Variants in GALK2 observed in about 807,000 individuals in gnomAD.
The protein encoded by GALK2 is N-acetylgalactosamine kinase.
In GALK2, 36 loss-of-function variants were observed where a neutral mutation model predicts 52.4. The ratio of observed to expected loss-of-function variants is 0.69; its 90% CI spans 0.53 to 0.91. The LOEUF is 0.91. Ranked by LOEUF, GALK2 falls within the 40% of genes least tolerant of loss-of-function variation. The pLI, the probability that GALK2 is intolerant of heterozygous loss-of-function variation, is 0.00. For missense variants in GALK2, 579 were observed against 559.1 expected (o/e 1.04, Z -0.36); for synonymous variants, 176 against 199.1 (o/e 0.88, Z 0.98).
At chr15:49,289,600 C>T (rs1181715013) in intron 7 of GALK2, among the ~76,000 whole-genome samples, 1 of 152,158 alleles carries the variant, frequency 6.6e-6, no homozygotes, top group Non-Finnish European at 1.5e-5. Context: ...TGGGTAAATA[C>T]TTTGGCTTTC....
intron 3 of GALK2, among the ~76,000 whole-genome samples, chr15:49,219,283 GTC>G (rs2089620654): frequency 6.6e-6 from 1 of 152,146 alleles, no homozygotes; most frequent in African/African-American, 2.4e-5. Context: ...TAATGAATAA[GTC>G]TCATGAGATC....
chr15:49,176,440 A>G (rs1407013144), intron 1 of GALK2, among the ~76,000 whole-genome samples: 1 of 152,246 alleles, frequency 6.6e-6, no homozygotes, highest in Non-Finnish European at 1.5e-5. Context: ...CTTGGCCCAA[A>G]TAAACTCTGT....
chr15:49,214,856 T>G lies in GALK2; in HGVS notation c.143-2334T>G, dbSNP rs891494287. Among the ~76,000 whole-genome samples the G allele has an allele frequency of 2.0e-5, 3 of 152,232 alleles. No individual in the cohort carries two copies. The South Asian group carries it at 6.2e-4, about 32-fold the overall frequency. ...CCATGTGATATATATTTTTTTACAT[T>G]AATGTGCTTTTCTTTCAGATTGAAT... On this transcript the variant is annotated intron_variant, in intron 2 of 9. Coordinates refer to ENST00000560031, the MANE Select transcript of GALK2 (RefSeq NM_002044.4).
intron 3 of GALK2, among the ~76,000 whole-genome samples, chr15:49,348,267 A>G (rs1350521268): frequency 1.3e-5 from 2 of 152,180 alleles, no homozygotes; most frequent in African/African-American, 4.8e-5. Context: ...TCTACCCTCC[A>G]CAAAGCTATT....
chr15:49,240,147 A>G (rs2091020730), intron 5 of GALK2, among the ~76,000 whole-genome samples: 1 of 152,230 alleles, frequency 6.6e-6, no homozygotes, highest in South Asian at 2.1e-4. Flanking sequence ...GCAAAGGTTC[A>G]GACAGAATCC....
chr15:49,293,590 C>A (rs1176539840), intron 8 of GALK2, among the ~76,000 whole-genome samples: 1 of 152,206 alleles, frequency 6.6e-6, no homozygotes, highest in Non-Finnish European at 1.5e-5. Flanking sequence ...CTATATGGTT[C>A]TTTGCAGAAA....
chr15:49,232,476 G>A (rs1313314627), intron 3 of GALK2, among the ~76,000 whole-genome samples: 1 of 152,192 alleles, frequency 6.6e-6, no homozygotes, highest in Non-Finnish European at 1.5e-5. Flanking sequence ...TTGGCCATCA[G>A]CATTTGACTA....
intron 8 of GALK2, among the ~76,000 whole-genome samples, chr15:49,296,264 T>G (rs1448671897): frequency 6.6e-6 from 1 of 152,194 alleles, no homozygotes; most frequent in Non-Finnish European, 1.5e-5. Flanking sequence ...GTTTTGACTC[T>G]CACTCTCCTA....
At chr15:49,220,058 C>CTTTTTTTTTTTTT (rs34707025) in intron 3 of GALK2, among the ~76,000 whole-genome samples, 8 of 92,750 alleles carry the variant, frequency 8.6e-5, no homozygotes, top group Non-Finnish European at 1.1e-4. Context: ...AGATACAAGT[C>CTTTTTTTTTTTTT]TTTTTTTTTT....
At chr15:49,308,803 T>A (rs2035754356) in intron 8 of GALK2, among the ~76,000 whole-genome samples, 1 of 152,212 alleles carries the variant, frequency 6.6e-6, no homozygotes, top group South Asian at 2.1e-4. Flanking sequence ...AATTTGATCA[T>A]GTTGGAACTT....
chr15:49,212,489 A>C (rs2089002878), intron 2 of GALK2, among the ~76,000 whole-genome samples: 1 of 151,836 alleles, frequency 6.6e-6, no homozygotes, highest in African/African-American at 2.4e-5. Context: ...TTGTAGTTTT[A>C]AATTTCAATT....
At chr15:49,161,294 C>T (rs2084643214) in intron 1 of GALK2, among the ~76,000 whole-genome samples, 1 of 152,214 alleles carries the variant, frequency 6.6e-6, no homozygotes, top group African/African-American at 2.4e-5. Context: ...TTACTAACAG[C>T]AGTTGAAAAG....
chr15:49,208,965 G>A (rs1343052465), intron 2 of GALK2, among the ~76,000 whole-genome samples: 4 of 152,100 alleles, frequency 2.6e-5, no homozygotes, highest in African/African-American at 9.7e-5. Flanking sequence ...TCTAATATAA[G>A]AATGGCTACC....
In GALK2 at chr15:49,328,570, A is replaced by G. The variant is rs1364422140; in HGVS notation, c.*411A>G. 1 of 1,604,762 alleles carries G rather than the reference A, an allele frequency of 6.2e-7. No homozygotes were observed. Among genetic ancestry groups the G allele is most frequent in the South Asian group, 1.1e-5 (1 of 89,902 alleles). On this transcript the variant is annotated 3_prime_UTR_variant, in exon 10 of 10. Coordinates refer to ENST00000560031, the MANE Select transcript of GALK2 (RefSeq NM_002044.4). ...ATAGAGTTCATTTCTGGTTTCTCTT[A>G]GTATTCTTCTTCCTCAAAGTTGTAG...
chr15:49,277,384 G>A (rs1332455451), intron 5 of GALK2, among the ~76,000 whole-genome samples: 3 of 143,330 alleles, frequency 2.1e-5, no homozygotes, highest in African/African-American at 7.6e-5. Flanking sequence ...TAGCCGGGAT[G>A]GTCTCGATCT....
At chr15:49,184,696 C>T (rs1234301011) in intron 1 of GALK2, among the ~76,000 whole-genome samples, 1 of 152,098 alleles carries the variant, frequency 6.6e-6, no homozygotes, top group Non-Finnish European at 1.5e-5. Context: ...TTGTTTTAAA[C>T]TGATATTAAC....
rs185270584 is a variant in GALK2 at position 49,279,147 on chromosome 15, A to G, written c.505-2840A>G. ...AAGATGAGCTTTTGGGTGGGGACACAGCCAAACCATATCAGTAGGGTTGTG... is the reference window on the plus strand; with the variant it reads ...AAGATGAGCTTTTGGGTGGGGACACGGCCAAACCATATCAGTAGGGTTGTG... On this transcript the variant is annotated intron_variant, in intron 5 of 9. Coordinates refer to ENST00000560031, the MANE Select transcript of GALK2 (RefSeq NM_002044.4). Among the ~76,000 whole-genome samples, 171 of 152,364 alleles carry G rather than the reference A, an allele frequency of 1.1e-3. 1 individual carries two copies. The highest frequency in any genetic ancestry group is 4.0e-3 in the African/African-American group (166 of 41,588).
chr15:49,328,387 CAGAT>C lies in GALK2; in HGVS notation c.*229_*232del. On this transcript the variant is annotated 3_prime_UTR_variant, in exon 10 of 10. Transcript: ENST00000560031. ...ATTAAGAGCCAAGATCATGCTTGGA[CAGAT>C]CTTTTAAGAATAACTTACTGAGATT... is the stretch of plus-strand genomic sequence containing the variant. 1 of 1,429,008 alleles carries C rather than the reference CAGAT, an allele frequency of 7.0e-7. No homozygotes were observed. Among genetic ancestry groups the C allele is most frequent in the South Asian group, 1.6e-5 (1 of 63,346 alleles). 88.5% of individuals were successfully genotyped at this position (1,429,008 alleles called of 1,614,324 possible).
chr15:49,327,960 GGGCTCAA>G lies in GALK2; in HGVS notation c.1181_1187del (p.Ala394GlyfsTer26). 6.2e-7 allele frequency: 1 copy of G among 1,607,212 alleles called. No individual in the cohort carries two copies. Among genetic ancestry groups the G allele is most frequent in the Non-Finnish European group, 8.5e-7 (1 of 1,176,152 alleles). On this transcript the variant is annotated frameshift_variant, in exon 10 of 10. Transcript: ENST00000560031. LOFTEE classifies it high-confidence loss of function. ...TTTCCTCACTGTTTTAGGAAGTTTG[GGGCTCAA>G]GGGTCACGACTTACTGGAGCAGGAT...
Sources: allele counts gnomAD v4.1 joint callset (sites outside exome capture counted in the v4.1 genomes callset), GRCh38; gene constraint gnomAD v4.1.1; transcripts MANE v1.5; gene names NCBI Gene and HGNC (gene_info 2026-07-23, HGNC 2026-07-21).